SH3RF2: variants seen among roughly 807,000 people sequenced by gnomAD.
SH3RF2 encodes E3 ubiquitin-protein ligase SH3RF2.
Under a neutral mutation model 59.0 loss-of-function variants are expected in SH3RF2, and 43 were observed. The ratio of observed to expected loss-of-function variants is 0.73; its 90% CI spans 0.57 to 0.94. The LOEUF (loss-of-function observed/expected upper bound fraction) is 0.94. Ranked by LOEUF, SH3RF2 falls within the 40% of genes least tolerant of loss-of-function variation. SH3RF2 has a pLI of 0.00. For missense variants in SH3RF2, 930 were observed against 940.1 expected (o/e 0.99, Z 0.14); for synonymous variants, 391 against 391.5 (o/e 1.00, Z 0.01).
chr5:146,067,440 C>G (rs945843581), downstream of SH3RF2, among the ~76,000 whole-genome samples: 1 of 152,230 alleles, frequency 6.6e-6, no homozygotes, highest in Non-Finnish European at 1.5e-5. Context: ...CCGCATCTCT[C>G]AAGTCCTCAT....
At chr5:146,025,809 G>A (rs1292351501) in intron 5 of SH3RF2, among the ~76,000 whole-genome samples, 1 of 152,200 alleles carries the variant, frequency 6.6e-6, no homozygotes, top group African/African-American at 2.4e-5. Context: ...AAAGCTTCTT[G>A]TCATGGCTTT....
At chr5:145,976,493 G>A (rs1223754057) in intron 2 of SH3RF2, among the ~76,000 whole-genome samples, 2 of 150,810 alleles carry the variant, frequency 1.3e-5, no homozygotes, top group East Asian at 3.9e-4. Flanking sequence ...CTTGCCTAAA[G>A]GCTAAAACAC....
chr5:146,006,931 C>T (rs564999392), intron 4 of SH3RF2, among the ~76,000 whole-genome samples: 33 of 152,180 alleles, frequency 2.2e-4, no homozygotes, highest in African/African-American at 7.7e-4. Flanking sequence ...ACAGTAGGGA[C>T]GCATGAAAAA....
chr5:146,016,404 A>ATGGG (rs1761107852), intron 5 of SH3RF2, among the ~76,000 whole-genome samples: 3 of 151,344 alleles, frequency 2.0e-5, no homozygotes, highest in Admixed American at 1.3e-4. Flanking sequence ...GGATGGATGG[A>ATGGG]TAGATGATTG....
chr5:145,985,132 G>C (rs1178746936), intron 2 of SH3RF2, among the ~76,000 whole-genome samples: 1 of 152,022 alleles, frequency 6.6e-6, no homozygotes, highest in Non-Finnish European at 1.5e-5. Flanking sequence ...TTCCAGCCTG[G>C]ACAACAGAGC....
rs553593138 is a variant in SH3RF2, at chr5:146,059,733, G to A, written c.1556-133G>A. The A allele has an allele frequency of 2.5e-5, 15 of 594,498 alleles. 1 individual carries two copies. In the South Asian group the frequency reaches 6.8e-4, roughly 27 times the overall value. The allele number at this position is 594,498 out of a possible 1,614,324, so 36.8% of individuals were successfully genotyped here. A position where few individuals can be genotyped will look rare whatever the true frequency, so the allele number is the denominator to read the frequency against. ...TAAGGTCACCTTTGAAAGACCCGGA[G>A]AGAATGTGAGTGCAGTCAGATTAGG... is the stretch of plus-strand genomic sequence containing the variant. On this transcript the variant is annotated intron_variant, in intron 8 of 9. Transcript: ENST00000359120.
intron 2 of SH3RF2, among the ~76,000 whole-genome samples, chr5:145,964,586 C>T (rs1232778989): frequency 6.6e-6 from 1 of 152,058 alleles, no homozygotes; most frequent in Admixed American, 6.6e-5. Flanking sequence ...GGATTACGGG[C>T]GTGAGCCACC....
chr5:145,945,255 G>A (rs1757967759), intron 2 of SH3RF2, among the ~76,000 whole-genome samples: 1 of 152,186 alleles, frequency 6.6e-6, no homozygotes, highest in Non-Finnish European at 1.5e-5. Context: ...AGTACATACT[G>A]TCTTATTCCA....
chr5:146,066,295 T>G (rs1421897347), downstream of SH3RF2, among the ~76,000 whole-genome samples: 1 of 152,206 alleles, frequency 6.6e-6, no homozygotes, highest in Non-Finnish European at 1.5e-5. Context: ...CAAATACAGT[T>G]CAGGTCTTCA....
At chr5:146,009,597 C>T (rs1277398956) in intron 4 of SH3RF2, among the ~76,000 whole-genome samples, 2 of 152,118 alleles carry the variant, frequency 1.3e-5, no homozygotes, top group African/African-American at 2.4e-5. Context: ...GGCTGCCTCC[C>T]CCAGTCACTC....
intron 7 of SH3RF2, among the ~76,000 whole-genome samples, chr5:146,055,634 A>G (rs1561766751): frequency 6.6e-6 from 1 of 152,226 alleles, no homozygotes; most frequent in Non-Finnish European, 1.5e-5. Context: ...ATAAACACAT[A>G]TAGGATCTTA....
intron 9 of SH3RF2, among the ~76,000 whole-genome samples, chr5:146,060,683 G>T (rs1215080534): frequency 6.6e-6 from 1 of 152,210 alleles, no homozygotes; most frequent in Non-Finnish European, 1.5e-5. Flanking sequence ...TATGTGAAGT[G>T]CTTACATAGG....
chr5:145,988,120 G>A (rs1759787254), intron 2 of SH3RF2, among the ~76,000 whole-genome samples: 1 of 152,166 alleles, frequency 6.6e-6, no homozygotes, highest in South Asian at 2.1e-4. Flanking sequence ...CTCTCCCAGT[G>A]GAGTCATGCA....
In SH3RF2 at chr5:145,964,857, C is replaced by T. The variant is rs569408098; in HGVS notation, c.378+26551C>T. 4.6e-5 allele frequency among the ~76,000 whole-genome samples: 7 copies of T among 152,114 alleles called. No individual in the cohort carries two copies. In the South Asian group the frequency reaches 1.5e-3, roughly 32 times the overall value. On this transcript the variant is annotated intron_variant, in intron 2 of 9. Coordinates refer to ENST00000359120, the MANE Select transcript of SH3RF2 (RefSeq NM_152550.4). The stretch of plus-strand genomic sequence containing the variant: ...ATTAAATGAAGTGGCAAACTCATTT[C>T]GTAGGCTTTTGTTATTTCTGACAAG...
chr5:146,068,644 AG>A (rs1763161282), intron 9 of SH3RF2, among the ~76,000 whole-genome samples: 1 of 152,204 alleles, frequency 6.6e-6, no homozygotes, highest in Non-Finnish European at 1.5e-5. Flanking sequence ...TACTTGAAAT[AG>A]AGCAATGTTA....
intron 2 of SH3RF2, among the ~76,000 whole-genome samples, chr5:145,999,734 C>T (rs927991362): frequency 6.6e-6 from 1 of 150,796 alleles, no homozygotes; most frequent in African/African-American, 2.5e-5. Flanking sequence ...TTTGTGGCGC[C>T]CCCCGAGACA....
chr5:146,030,688 C>T (rs1761709651), intron 5 of SH3RF2, among the ~76,000 whole-genome samples: 1 of 148,954 alleles, frequency 6.7e-6, no homozygotes, highest in Admixed American at 6.8e-5. Context: ...TCCAAATGCA[C>T]CTGCTGCCTG....
At chr5:145,955,500 A>C (rs1758361051) in intron 2 of SH3RF2, among the ~76,000 whole-genome samples, 1 of 152,192 alleles carries the variant, frequency 6.6e-6, no homozygotes, top group Non-Finnish European at 1.5e-5. Context: ...CCTAAACCTC[A>C]GCATCCCACA....
At chr5:146,020,045 A>G (rs1401400060) in intron 5 of SH3RF2, among the ~76,000 whole-genome samples, 1 of 152,150 alleles carries the variant, frequency 6.6e-6, no homozygotes, top group Non-Finnish European at 1.5e-5. Context: ...ATCATCAGCA[A>G]ACAGAGATGG....
Sources: gnomAD v4.1 joint callset for allele counts (sites outside exome capture counted in the v4.1 genomes callset) on GRCh38, gnomAD v4.1.1 for gene constraint, MANE v1.5 for transcripts, NCBI Gene and HGNC (gene_info 2026-07-23, HGNC 2026-07-21) for gene names.